The following GRAMD4 variants were observed in gnomAD, a reference collection of about 807,000 sequenced individuals.
GRAMD4 encodes the protein GRAM domain containing 4.
GRAMD4 carries 25 observed loss-of-function variants against 83.9 expected under a neutral mutation model. The ratio of observed to expected loss-of-function variants is 0.30; its 90% CI spans 0.22 to 0.42. GRAMD4 has a LOEUF of 0.42. GRAMD4 is among the 10% of genes least tolerant of loss of function. GRAMD4 has a pLI of 1.00. For synonymous variants in GRAMD4, 336 were observed against 320.9 expected, an observed-to-expected ratio of 1.05 and a Z score of -0.50; for missense variants, 593 against 788.7, an observed-to-expected ratio of 0.75 and a Z score of 2.97.
In GRAMD4 at chr22:46,659,706, T is replaced by TGGG. The variant is rs1027608210; in HGVS notation, c.404+1403_404+1405dup. On this transcript the variant is annotated intron_variant, in intron 4 of 18. Coordinates refer to ENST00000406902, the MANE Select transcript of GRAMD4 (RefSeq NM_015124.5). The surrounding 1 kb of genome is among the most constrained non-coding windows in gnomAD (Gnocchi z 4.1). The stretch of plus-strand genomic sequence containing the variant: ...GTCAGCATGACCTTGTGGAGTGCCC[T>TGGG]GGGGGGCTCATGTGGGGGCTCATGT... Among the ~76,000 whole-genome samples the TGGG allele has an allele frequency of 6.8e-6, 1 of 146,032 alleles. No homozygotes were observed.
intron 3 of GRAMD4, among the ~76,000 whole-genome samples, chr22:46,640,787 A>G (rs991478085): frequency 5.3e-5 from 8 of 152,088 alleles, no homozygotes; most frequent in East Asian, 1.9e-4. Context: ...GGCTTCCCCG[A>G]CACGCCCTCT....
rs765067071 is a variant in GRAMD4 at position 46,668,113 on chromosome 22, C to A, written c.876C>A (p.Asp292Glu). The A allele has an allele frequency of 3.7e-5, 60 of 1,611,248 alleles. No individual in the cohort carries two copies. In the South Asian group the frequency reaches 6.4e-4, roughly 17 times the overall value. Residue 292 changes from aspartate (D) to glutamate (E), a missense_variant, in exon 11 of 19, where the codon GAC (aspartate) becomes GAA (glutamate). Coordinates refer to ENST00000406902, the MANE Select transcript of GRAMD4 (RefSeq NM_015124.5). Reference sequence around the variant, plus strand: ...TACTGAAGGAACCTCCAAAGGAAGACCTGACTGTGTCTGAGAAGTTCCAGC... The same window carrying A: ...TACTGAAGGAACCTCCAAAGGAAGAACTGACTGTGTCTGAGAAGTTCCAGC... ...VSEPVEPPKE[D>E]LTVSEKFQLV... is the part of the protein sequence containing the mutation.
At chr22:46,630,889 CCCCGG>C (rs2081762480) in intron 2 of GRAMD4, among the ~76,000 whole-genome samples, 1 of 89,556 alleles carries the variant, frequency 1.1e-5, no homozygotes, top group Non-Finnish European at 2.7e-5. Context: ...TGTGCCCTCA[CCCCGG>C]CCTCCGCAGT....
chr22:46,620,132 T>C (rs1469851952), upstream of GRAMD4, among the ~76,000 whole-genome samples: 1 of 151,802 alleles, frequency 6.6e-6, no homozygotes, highest in Non-Finnish European at 1.5e-5. The surrounding 1 kb of genome is among the most constrained non-coding windows in gnomAD (Gnocchi z 4.7). Context: ...TTTTTTTAAA[T>C]CTTGGGCTGG....
At chr22:46,667,336 T>C (rs1009970322) in intron 10 of GRAMD4, among the ~76,000 whole-genome samples, 7 of 152,046 alleles carry the variant, frequency 4.6e-5, no homozygotes, top group African/African-American at 1.5e-4. Flanking sequence ...CAAGACTCTG[T>C]CTCAAAAAAA....
chr22:46,607,142 TC>T (rs1293948141), intron 1 of GRAMD4, among the ~76,000 whole-genome samples: 1 of 151,286 alleles, frequency 6.6e-6, no homozygotes, highest in Non-Finnish European at 1.5e-5. Flanking sequence ...TGGGGTCCCA[TC>T]CCCCACCCTG....
intron 9 of GRAMD4, 122 bp from the exon 10 acceptor site, chr22:46,666,703 G>A: frequency 1.2e-6 from 1 of 800,152 alleles, no homozygotes; most frequent in Non-Finnish European, 2.2e-6. Flanking sequence ...CCATTGGGCA[G>A]CATAGAAGGA....
intron 5 of GRAMD4, among the ~76,000 whole-genome samples, chr22:46,661,935 G>A (rs768860837): frequency 4.6e-5 from 7 of 152,164 alleles, no homozygotes; most frequent in Non-Finnish European, 8.8e-5. Flanking sequence ...CTTGCCCCAC[G>A]CCCTGCAGGC....
chr22:46,601,208 T>A (rs935680354), intron 1 of GRAMD4, among the ~76,000 whole-genome samples: 1 of 151,916 alleles, frequency 6.6e-6, no homozygotes, highest in Non-Finnish European at 1.5e-5. Context: ...ATTTTGTAGC[T>A]CTCCTCGGGG....
At chr22:46,592,463 G>A (rs763991521) in intron 1 of GRAMD4, among the ~76,000 whole-genome samples, 23 of 151,838 alleles carry the variant, frequency 1.5e-4, no homozygotes, top group Non-Finnish European at 2.8e-4. Flanking sequence ...AAAAAAAAAG[G>A]ATGAAGTGGG....
intron 1 of GRAMD4, among the ~76,000 whole-genome samples, chr22:46,584,374 C>G (rs2081127438): frequency 6.6e-6 from 1 of 152,180 alleles, no homozygotes; most frequent in South Asian, 2.1e-4. Context: ...ATGTACGTGT[C>G]TCTGCCTGTG....
chr22:46,577,235 C>A, exon 1 of GRAMD4: 2 of 971,726 alleles, frequency 2.1e-6, no homozygotes, highest in African/African-American at 3.5e-5. Flanking sequence ...GCCGGGCGGC[C>A]GGCGAGGGGG....
chr22:46,618,642 T>C (rs1256700143), upstream of GRAMD4, among the ~76,000 whole-genome samples: 2 of 152,162 alleles, frequency 1.3e-5, no homozygotes, highest in Non-Finnish European at 2.9e-5. The surrounding 1 kb of genome is among the most constrained non-coding windows in gnomAD (Gnocchi z 5.8). Flanking sequence ...GGCCTCACCA[T>C]GCTTGCCATG....
intron 13 of GRAMD4, chr22:46,671,195 C>T (rs1156723675): frequency 2.3e-6 from 1 of 429,554 alleles, no homozygotes; most frequent in Admixed American, 2.4e-5. Context: ...TCAGTCCAGT[C>T]AGCCAAGGGG....
At chr22:46,611,658 G>A (rs1327006028) in intron 1 of GRAMD4, among the ~76,000 whole-genome samples, 1 of 151,934 alleles carries the variant, frequency 6.6e-6, no homozygotes, top group Non-Finnish European at 1.5e-5. Context: ...GGTGTGGATG[G>A]AACTGTTGGT....
rs1005715342 is a variant in GRAMD4, at chr22:46,621,898, A to G, written c.-50+1333A>G. 3.3e-5 allele frequency among the ~76,000 whole-genome samples: 5 copies of G among 151,986 alleles called. No homozygotes were observed. Among genetic ancestry groups the G allele is most frequent in the Non-Finnish European group, 7.4e-5 (5 of 67,994 alleles). Reference sequence around the variant, plus strand: ...CTTGAAAAGTCTGTCTTTTTGATGGACCCAGGGAGTTGGGTGAGGAGGGTG... The same window carrying G: ...CTTGAAAAGTCTGTCTTTTTGATGGGCCCAGGGAGTTGGGTGAGGAGGGTG... On this transcript the variant is annotated intron_variant, in intron 1 of 18. Coordinates refer to ENST00000406902, the MANE Select transcript of GRAMD4 (RefSeq NM_015124.5). This position sits in a 1 kb window ranked among gnomAD's most constrained non-coding sequence, Gnocchi z 5.8.
At chr22:46,597,784 C>T (rs754507365) in intron 1 of GRAMD4, among the ~76,000 whole-genome samples, 2 of 152,170 alleles carry the variant, frequency 1.3e-5, no homozygotes, top group South Asian at 2.1e-4. Flanking sequence ...CTACCACGCC[C>T]GGCCTCTGGC....
intron 1 of GRAMD4, among the ~76,000 whole-genome samples, chr22:46,600,468 G>GTCGTCCC: frequency 6.6e-6 from 1 of 152,308 alleles, no homozygotes; most frequent in African/African-American, 2.4e-5. Context: ...CTTCATTCCC[G>GTCGTCCC]TGATGAGGCA....
At position 46,599,065 on chromosome 22, in the gene GRAMD4, G is replaced by A. The variant is rs182903629; in HGVS notation, c.-50+21775G>A. Among the ~76,000 whole-genome samples the A allele has an allele frequency of 4.6e-5, 7 of 152,286 alleles. No homozygotes were observed. In the East Asian group the frequency reaches 5.8e-4, roughly 13 times the overall value. On this transcript the variant is annotated intron_variant, in intron 1 of 1. Coordinates refer to the GRAMD4 transcript ENST00000431155. ...CAGGGAACTGTGTGACACAGAGGCC[G>A]TGACAGAGATGGAGGATCAGATCAG...
Sources: gnomAD v4.1 joint callset for allele counts (sites outside exome capture counted in the v4.1 genomes callset) on GRCh38, gnomAD v4.1.1 for gene constraint, Gnocchi (gnomAD v3.1) non-coding constraint, MANE v1.5 for transcripts, NCBI Gene and HGNC (gene_info 2026-07-23, HGNC 2026-07-21) for gene names.